Variants in ZBTB7C observed in about 807,000 individuals in gnomAD.
The protein encoded by ZBTB7C is zinc finger and BTB domain containing 7C, also known as zinc finger and BTB domain-containing protein 7C.
Under a neutral mutation model 25.7 loss-of-function variants are expected in ZBTB7C, and 8 were observed. The observed-to-expected ratio is 0.31, with a 90% confidence interval of 0.18 to 0.56. The LOEUF (loss-of-function observed/expected upper bound fraction) is 0.56. Ranked by LOEUF, ZBTB7C falls within the 20% of genes least tolerant of loss-of-function variation. The pLI, the probability that ZBTB7C is intolerant of heterozygous loss-of-function variation, is 0.91. For missense variants in ZBTB7C, 824 were observed against 855.2 expected, an observed-to-expected ratio of 0.96 and a Z score of 0.46; for synonymous variants, 394 against 369.0, an observed-to-expected ratio of 1.07 and a Z score of -0.78.
intron 1 of ZBTB7C, among the ~76,000 whole-genome samples, chr18:48,382,482 G>A (rs904860678): frequency 6.6e-6 from 1 of 152,222 alleles, no homozygotes; most frequent in Non-Finnish European, 1.5e-5. Flanking sequence ...AAGTGAAGTT[G>A]TCGACAGCTA....
chr18:48,369,478 TA>T (rs1487800459), intron 1 of ZBTB7C, among the ~76,000 whole-genome samples: 1 of 152,030 alleles, frequency 6.6e-6, no homozygotes, highest in Non-Finnish European at 1.5e-5. Context: ...GATACCAATT[TA>T]AAAACATGAC....
Position 48,299,193 on chromosome 18 carries a change from T to C in ZBTB7C, c.-79+38981A>G, listed in dbSNP as rs531711152. ...CCTGGAGGAGAGGGAAAGGTACTCT[T>C]GGGTCTGGGAGCTATGACTCTTTCC... On this transcript the variant is annotated intron_variant, in intron 2 of 4. Transcript: ENST00000590800. Among the ~76,000 whole-genome samples the C allele has an allele frequency of 3.3e-5, 5 of 152,218 alleles. 1 individual carries two copies. In the South Asian group the frequency reaches 1.0e-3, roughly 32 times the overall value.
At chr18:48,276,635 A>AT (rs1568346743) in intron 2 of ZBTB7C, among the ~76,000 whole-genome samples, 1 of 85,882 alleles carries the variant, frequency 1.2e-5, no homozygotes, top group African/African-American at 4.6e-5. Flanking sequence ...TGAACTCATC[A>AT]TTTTTTATGG....
intron 2 of ZBTB7C, among the ~76,000 whole-genome samples, chr18:48,310,694 C>A (rs1044845489): frequency 6.6e-6 from 1 of 152,194 alleles, no homozygotes; most frequent in African/African-American, 2.4e-5. Flanking sequence ...TTTGGGAGTG[C>A]ATCTGCCTCA....
chr18:48,294,808 G>A (rs2045341841), intron 2 of ZBTB7C, among the ~76,000 whole-genome samples: 1 of 152,158 alleles, frequency 6.6e-6, no homozygotes. Context: ...CCATGAGTCA[G>A]CTAAGTGAGT....
At chr18:48,357,495 G>A (rs1469643579) in intron 1 of ZBTB7C, among the ~76,000 whole-genome samples, 1 of 152,240 alleles carries the variant, frequency 6.6e-6, no homozygotes, top group Admixed American at 6.5e-5. Context: ...AGCCTGCTCA[G>A]CGCTCAGCGT....
intron 2 of ZBTB7C, among the ~76,000 whole-genome samples, chr18:48,193,451 G>C (rs2042245823): frequency 6.6e-6 from 1 of 152,126 alleles, no homozygotes; most frequent in Non-Finnish European, 1.5e-5. Flanking sequence ...GTAATTATTT[G>C]CATGCCTCTT....
chr18:48,273,361 G>GA (rs1255785286), intron 2 of ZBTB7C, among the ~76,000 whole-genome samples: 1 of 151,144 alleles, frequency 6.6e-6, no homozygotes, highest in African/African-American at 2.4e-5. Flanking sequence ...GGACAATTAA[G>GA]AAAAAAAATA....
chr18:48,252,379 T>C (rs1192759605), intron 2 of ZBTB7C: 1 of 152,228 alleles, frequency 6.6e-6, no homozygotes, highest in African/African-American at 2.4e-5. Context: ...GGCAAGTACA[T>C]TTGGGCCTAA....
At chr18:48,331,688 C>T (rs2046345510) in intron 2 of ZBTB7C, among the ~76,000 whole-genome samples, 1 of 152,260 alleles carries the variant, frequency 6.6e-6, no homozygotes, top group Admixed American at 6.5e-5. Flanking sequence ...TTGCATGTGA[C>T]CCTACCGTAT....
chr18:48,299,031 TC>T (rs1426945155), intron 2 of ZBTB7C, among the ~76,000 whole-genome samples: 17 of 152,104 alleles, frequency 1.1e-4, no homozygotes, highest in Non-Finnish European at 2.2e-4. Context: ...AAGCGCCCAG[TC>T]CTGTCCTACC....
At position 48,029,307 on chromosome 18, in the gene ZBTB7C, G is replaced by T; in HGVS notation, c.1813C>A (p.Leu605Ile). The T allele has an allele frequency of 6.5e-7, 1 of 1,536,770 alleles. No individual in the cohort carries two copies. The highest frequency in any genetic ancestry group is 8.7e-7 in the Non-Finnish European group (1 of 1,147,542). ...GAGGCCACGTGGTTGAGGCCGGCGA[G>T]CCCAGGGAGGCCGGCCAGGCCGGCG... ...WAAGLAGLPG[L>I]AGLNHVASMS... is the part of the protein sequence containing the mutation. Residue 605 changes from leucine to isoleucine, a missense_variant, in exon 5 of 5, where the codon CTC (leucine) becomes ATC (isoleucine). This residue lies in a region of ZBTB7C where 342 missense variants were observed against 307.0 expected (regional missense o/e 1.11). Coordinates refer to ENST00000590800, the MANE Select transcript of ZBTB7C (RefSeq NM_001318841.2).
At chr18:48,409,594 G>T (rs9960550), upstream of ZBTB7C, among the ~76,000 whole-genome samples, 3 of 150,180 alleles carry the variant, frequency 2.0e-5, no homozygotes, top group Non-Finnish European at 4.5e-5. Flanking sequence ...CCCGCCGCGC[G>T]GCACATGCAC....
At chr18:48,334,861 G>T (rs1224062221) in intron 2 of ZBTB7C, among the ~76,000 whole-genome samples, 1 of 152,226 alleles carries the variant, frequency 6.6e-6, no homozygotes, top group Non-Finnish European at 1.5e-5. Flanking sequence ...TTTAGAGAAG[G>T]ATCCCTGGGT....
rs398120440 is a variant in ZBTB7C, at chr18:48,041,746, TA to T, written c.-16-624del. Among the ~76,000 whole-genome samples, 10 of 149,516 alleles carry T rather than the reference TA, an allele frequency of 6.7e-5. No individual in the cohort carries two copies. In the East Asian group the frequency reaches 7.8e-4, roughly 12 times the overall value. On this transcript the variant is annotated intron_variant, in intron 3 of 4. Coordinates refer to ENST00000590800, the MANE Select transcript of ZBTB7C (RefSeq NM_001318841.2). ...CATTTGTAAATCTTGATCCTTTTTT[TA>T]AAAAAAAAACACTAACTTCCTATAT...
chr18:48,089,479 G>GAAA (rs35998953), intron 3 of ZBTB7C, among the ~76,000 whole-genome samples: 1 of 127,924 alleles, frequency 7.8e-6, no homozygotes, highest in Non-Finnish European at 1.6e-5. Flanking sequence ...ACTCCATCTC[G>GAAA]AAAAAAAAAA....
intron 3 of ZBTB7C, chr18:48,084,015 A>G (rs1598847497): frequency 2.5e-6 from 1 of 396,838 alleles, no homozygotes; most frequent in South Asian, 1.0e-4. Flanking sequence ...GAAGGTTTCC[A>G]CACCGAAGGA....
intron 3 of ZBTB7C, among the ~76,000 whole-genome samples, chr18:48,070,311 C>T (rs2037496324): frequency 6.6e-6 from 1 of 152,204 alleles, no homozygotes; most frequent in Admixed American, 6.5e-5. Context: ...CTGCCTGGTT[C>T]TGGAGTCATC....
intron 2 of ZBTB7C, among the ~76,000 whole-genome samples, chr18:48,276,891 G>C (rs764787357): frequency 9.5e-5 from 11 of 115,476 alleles, no homozygotes; most frequent in Non-Finnish European, 1.4e-4. Context: ...CTTCCACAAT[G>C]GTTGAACTAG....
Sources: allele counts gnomAD v4.1 joint callset (sites outside exome capture counted in the v4.1 genomes callset), GRCh38; gene constraint gnomAD v4.1.1; regional missense constraint gnomAD v4.1.1; transcripts MANE v1.5; gene names NCBI Gene and HGNC (gene_info 2026-07-23, HGNC 2026-07-21).